Variants in TRDN observed in about 807,000 individuals in gnomAD.
The protein encoded by TRDN is triadin.
Under a neutral mutation model 149.7 loss-of-function variants are expected in TRDN, and 161 were observed. The ratio of observed to expected loss-of-function variants is 1.08; its 90% CI spans 0.95 to 1.23. The LOEUF (loss-of-function observed/expected upper bound fraction) is 1.23. Among genes scored for constraint, TRDN ranks in the 50% most tolerant of loss-of-function variants. TRDN has a pLI of 0.00. For missense variants in TRDN, 896 were observed against 823.5 expected, an observed-to-expected ratio of 1.09 and a Z score of -1.08; for synonymous variants, 294 against 250.5, an observed-to-expected ratio of 1.17 and a Z score of -1.64.
At chr6:123,520,006 A>G (rs1199821390) in intron 5 of TRDN, among the ~76,000 whole-genome samples, 2 of 152,232 alleles carry the variant, frequency 1.3e-5, no homozygotes, top group African/African-American at 4.8e-5. Flanking sequence ...ATACACATTC[A>G]TTTTAAACCC....
At chr6:123,237,233 T>C (rs889586145) in intron 38 of TRDN, among the ~76,000 whole-genome samples, 2 of 152,128 alleles carry the variant, frequency 1.3e-5, no homozygotes, top group Non-Finnish European at 2.9e-5. Flanking sequence ...GAGTTTTCTG[T>C]ATTAACTTTA....
chr6:123,589,133 C>T (rs1783659852), intron 1 of TRDN, among the ~76,000 whole-genome samples: 1 of 152,140 alleles, frequency 6.6e-6, no homozygotes, highest in African/African-American at 2.4e-5. Context: ...TAAGATAAGC[C>T]ATTCCAGGAT....
At chr6:123,445,327 C>A (rs1775250937) in intron 10 of TRDN, among the ~76,000 whole-genome samples, 1 of 148,208 alleles carries the variant, frequency 6.7e-6, no homozygotes, top group South Asian at 2.1e-4. Flanking sequence ...TAGGCATGGG[C>A]AAGGACTTCA....
At chr6:123,318,509 T>A (rs2114703163) in intron 23 of TRDN, among the ~76,000 whole-genome samples, 1 of 152,170 alleles carries the variant, frequency 6.6e-6, no homozygotes, top group South Asian at 2.1e-4. Context: ...TCCCAAGGTC[T>A]GGATAGAATG....
intron 24 of TRDN, among the ~76,000 whole-genome samples, chr6:123,299,798 G>C (rs1489711911): frequency 1.3e-5 from 2 of 152,016 alleles, no homozygotes; most frequent in African/African-American, 4.8e-5. Context: ...ATTAAAAATA[G>C]TATATAAGCA....
intron 12 of TRDN, among the ~76,000 whole-genome samples, chr6:123,403,924 T>C (rs913186303): frequency 6.6e-6 from 1 of 152,120 alleles, no homozygotes; most frequent in African/African-American, 2.4e-5. Context: ...GGACAAGATA[T>C]TTGATATTCA....
At chr6:123,574,861 T>C (rs1474593295) in intron 1 of TRDN, among the ~76,000 whole-genome samples, 4 of 41,764 alleles carry the variant, frequency 9.6e-5, no homozygotes, top group South Asian at 6.9e-4. Context: ...TATATACATA[T>C]ATATATATAT....
At chr6:123,286,743 A>G (rs971803992) in intron 24 of TRDN, among the ~76,000 whole-genome samples, 28 of 152,122 alleles carry the variant, frequency 1.8e-4, no homozygotes, top group African/African-American at 6.3e-4. Context: ...ACTCTTCAGC[A>G]TGTGGGGGAG....
At chr6:123,408,520 A>G (rs759103857) in intron 12 of TRDN, among the ~76,000 whole-genome samples, 11 of 152,030 alleles carry the variant, frequency 7.2e-5, no homozygotes, top group Non-Finnish European at 1.5e-4. Context: ...TCTACTAAAA[A>G]TACAAAAATT....
chr6:123,362,885 G>A (rs1780955646), intron 20 of TRDN, among the ~76,000 whole-genome samples: 2 of 152,056 alleles, frequency 1.3e-5, no homozygotes, highest in Admixed American at 6.6e-5. Context: ...AATATATGGT[G>A]AGTAAATATG....
intron 21 of TRDN, chr6:123,349,579 T>C (rs1780378971): frequency 3.4e-6 from 3 of 886,056 alleles, no homozygotes; most frequent in Non-Finnish European, 4.1e-6. Context: ...AATAATTAAA[T>C]ACAATTGTGT....
chr6:123,398,366 A>G (rs1475427691), intron 12 of TRDN, among the ~76,000 whole-genome samples: 1 of 152,194 alleles, frequency 6.6e-6, no homozygotes, highest in Non-Finnish European at 1.5e-5. Flanking sequence ...GCTTTTCCAC[A>G]GATCAGGAGT....
rs551166409 is a variant in TRDN, at chr6:123,388,392, G to A, written c.1135+130C>T. The A allele has an allele frequency of 1.7e-4, 183 of 1,048,120 alleles. No homozygotes were observed. In the Middle Eastern group the frequency reaches 4.3e-3, roughly 25 times the overall value. The allele number at this position is 1,048,120 out of a possible 1,614,324, so 64.9% of individuals were successfully genotyped here. A position where few individuals can be genotyped will look rare whatever the true frequency, so the allele number is the denominator to read the frequency against. ...GGTGAAGTAGAAAAAGCACATTCAT[G>A]CAAAATGTATGCACATAATAGATCC... On this transcript the variant is annotated intron_variant, in intron 14 of 40. Coordinates refer to ENST00000334268, the MANE Select transcript of TRDN (RefSeq NM_006073.4).
chr6:123,599,849 A>G (rs1352364101), intron 1 of TRDN, among the ~76,000 whole-genome samples: 1 of 151,926 alleles, frequency 6.6e-6, no homozygotes, highest in Non-Finnish European at 1.5e-5. Flanking sequence ...AGCAAGTGCT[A>G]GTCAGCTCAA....
At chr6:123,354,004 A>T (rs1403956604) in intron 20 of TRDN, among the ~76,000 whole-genome samples, 4 of 151,892 alleles carry the variant, frequency 2.6e-5, no homozygotes, top group African/African-American at 9.6e-5. Flanking sequence ...TAGGGTTAGG[A>T]CAGTGGGAAG....
At chr6:123,246,818 A>T (rs1271188205) in intron 38 of TRDN, among the ~76,000 whole-genome samples, 2 of 152,116 alleles carry the variant, frequency 1.3e-5, no homozygotes, top group Non-Finnish European at 2.9e-5. Context: ...ATTTCAGGCC[A>T]ATATCCCTGA....
chr6:123,552,160 G>A (rs1328233141), intron 2 of TRDN, among the ~76,000 whole-genome samples: 1 of 152,058 alleles, frequency 6.6e-6, no homozygotes, highest in Non-Finnish European at 1.5e-5. Context: ...TTGTATCCAA[G>A]GTTTCTTCCA....
chr6:123,223,684 C>CCTTCCTTA (rs2114503972), intron 39 of TRDN, among the ~76,000 whole-genome samples: 1 of 123,818 alleles, frequency 8.1e-6, no homozygotes, highest in African/African-American at 4.2e-5. Flanking sequence ...TTCCTTCCTT[C>CCTTCCTTA]CTTCCTTCCT....
chr6:123,295,545 T>C (rs1456387339), intron 24 of TRDN, among the ~76,000 whole-genome samples: 1 of 152,212 alleles, frequency 6.6e-6, no homozygotes, highest in Non-Finnish European at 1.5e-5. Context: ...AAAATATTTT[T>C]TATATTCTTA....
Sources: allele counts gnomAD v4.1 joint callset (sites outside exome capture counted in the v4.1 genomes callset), GRCh38; gene constraint gnomAD v4.1.1; transcripts MANE v1.5; gene names NCBI Gene and HGNC (gene_info 2026-07-23, HGNC 2026-07-21).